The following ZNF619 variants were observed in gnomAD, a reference collection of about 807,000 sequenced individuals.
ZNF619 encodes the protein zinc finger protein 619.
Under a neutral mutation model 14.2 loss-of-function variants are expected in ZNF619, and 9 were observed. The ratio of observed to expected loss-of-function variants is 0.64; its 90% CI spans 0.38 to 1.11. The LOEUF is 1.11. Among genes scored for constraint, ZNF619 ranks in the 50% least tolerant of loss-of-function variants. ZNF619 has a pLI of 0.01. For synonymous variants in ZNF619, 246 were observed against 252.8 expected, an observed-to-expected ratio of 0.97 and a Z score of 0.26; for missense variants, 659 against 680.1, an observed-to-expected ratio of 0.97 and a Z score of 0.34.
intron 4 of ZNF619, among the ~76,000 whole-genome samples, chr3:40,486,231 C>A (rs1281866073): frequency 1.3e-5 from 2 of 152,214 alleles, no homozygotes; most frequent in Non-Finnish European, 1.5e-5. Flanking sequence ...CCCCTTCCTG[C>A]AACTTCACCC....
Position 40,487,979 on chromosome 3 carries a change from C to T in ZNF619, c.1469C>T (p.Ser490Phe). 6.2e-7 allele frequency: 1 copy of T among 1,614,214 alleles called. No homozygotes were observed. Among genetic ancestry groups the T allele is most frequent in the South Asian group, 1.1e-5 (1 of 91,084 alleles). Reference protein sequence around the residue: ...RKKLINGTGLSAVKPYCPCAI... With the variant: ...RKKLINGTGLFAVKPYCPCAI... Reference sequence around the variant, plus strand: ...AAACTCATCAATGGAACAGGGCTATCCGCAGTTAAGCCCTACTGTCCCTGC... The same window carrying T: ...AAACTCATCAATGGAACAGGGCTATTCGCAGTTAAGCCCTACTGTCCCTGC... Residue 490 changes from serine (S) to phenylalanine (F), a missense_variant, in exon 5 of 5, where the codon TCC (serine) becomes TTC (phenylalanine). Physicochemically the swap from Ser to Phe is radical, Grantham distance 155. Coordinates refer to ENST00000432264, the MANE Select transcript of ZNF619 (RefSeq NM_001145093.4).
chr3:40,487,209 A>T lies in ZNF619; in HGVS notation c.699A>T (p.Thr233=). The T allele has an allele frequency of 6.2e-7, 1 of 1,614,206 alleles. No individual in the cohort carries two copies. ...QRVHTNEKPY[T]CKECGKTFRY... is the part of the protein sequence containing the mutation. ...TTCACACTAATGAGAAGCCCTACACATGCAAAGAATGTGGGAAAACCTTCA... is the reference window on the plus strand; with the variant it reads ...TTCACACTAATGAGAAGCCCTACACTTGCAAAGAATGTGGGAAAACCTTCA... The change falls in exon 5 of 5, where the codon ACA becomes ACT. Residue 233 remains threonine (T), a synonymous_variant. Coordinates refer to ENST00000432264, the MANE Select transcript of ZNF619 (RefSeq NM_001145093.4).
intron 4 of ZNF619, among the ~76,000 whole-genome samples, chr3:40,485,538 G>A (rs1697551997): frequency 6.6e-6 from 1 of 152,038 alleles, no homozygotes; most frequent in South Asian, 2.1e-4. Context: ...CCTGAAATCA[G>A]GTGATCCACC....
Position 40,482,678 on chromosome 3 carries a change from G to A in ZNF619, c.269G>A (p.Gly90Glu). ...WGPDPWTLAGGEALRGMCTGG... is the reference protein window; with the variant it reads ...WGPDPWTLAGEEALRGMCTGG... ...CCAGATCCCTGGACACTTGCTGGGG[G>A]AGAGGCCCTGAGAGGCATGTGCACA... is the stretch of plus-strand genomic sequence containing the variant. The change falls in exon 4 of 5, where the codon GGA becomes GAA. Residue 90 changes from glycine to glutamate, a missense_variant. By Grantham distance (98) the Gly-to-Glu change is moderately conservative. Transcript: ENST00000432264. 3 of 1,613,862 alleles carry A rather than the reference G, an allele frequency of 1.9e-6. No homozygotes were observed. Among genetic ancestry groups the A allele is most frequent in the South Asian group, 1.1e-5 (1 of 91,058 alleles).
chr3:40,482,636 G>C lies in ZNF619; in HGVS notation c.227G>C (p.Gly76Ala), dbSNP rs1176256058. 1 of 1,614,206 alleles carries C rather than the reference G, an allele frequency of 6.2e-7. No homozygotes were observed. Among genetic ancestry groups the C allele is most frequent in the Non-Finnish European group, 8.5e-7 (1 of 1,180,042 alleles). ...KPDLIFQLEQ[G>A]EAAWGPDPWT... Reference sequence around the variant, plus strand: ...GATCTGATATTCCAGCTGGAGCAAGGAGAAGCAGCATGGGGCCCAGATCCC... The same window carrying C: ...GATCTGATATTCCAGCTGGAGCAAGCAGAAGCAGCATGGGGCCCAGATCCC... The change falls in exon 4 of 5, where the codon GGA becomes GCA. Residue 76 changes from glycine to alanine, a missense_variant. Physicochemically the swap from Gly to Ala is moderately conservative, Grantham distance 60. Transcript: ENST00000432264.
At chr3:40,479,555 A>G (rs539885982) in intron 2 of ZNF619, among the ~76,000 whole-genome samples, 3 of 152,354 alleles carry the variant, frequency 2.0e-5, no homozygotes, top group South Asian at 2.1e-4. Flanking sequence ...GATAATTACT[A>G]TTGTTATCCC....
chr3:40,487,992 C>T lies in ZNF619; in HGVS notation c.1482C>T (p.Pro494=), dbSNP rs1697679751. ...GAACAGGGCTATCCGCAGTTAAGCC[C>T]TACTGTCCCTGCGCCATCCTCTCTC... The part of the protein sequence containing the change: ...INGTGLSAVK[P]YCPCAILSPL... The change falls in exon 5 of 5, where the codon CCC becomes CCT. Residue 494 remains proline, a synonymous_variant. Transcript: ENST00000432264. The T allele has an allele frequency of 6.2e-7, 1 of 1,614,208 alleles. No individual in the cohort carries two copies. The highest frequency in any genetic ancestry group is 8.5e-7 in the Non-Finnish European group (1 of 1,180,030).
chr3:40,485,830 AC>A lies in ZNF619; in HGVS notation c.296-971del, dbSNP rs376682548. 1.7e-4 allele frequency among the ~76,000 whole-genome samples: 26 copies of A among 151,954 alleles called. 1 individual carries two copies. The highest frequency in any genetic ancestry group is 6.3e-4 in the African/African-American group (26 of 41,430). On this transcript the variant is annotated intron_variant, in intron 4 of 4. Coordinates refer to ENST00000432264, the MANE Select transcript of ZNF619 (RefSeq NM_001145093.4). ...CTACCAGTGAAAGCATGATCCCCAT[AC>A]CCCCGCTCCAATTGCCATCTCCATT...
In ZNF619 at chr3:40,482,187, T is replaced by G. The variant is rs1180279570; in HGVS notation, c.178+171T>G. ...GATGGAGAAAGAGCTCGGTTCACTT[T>G]GGTGTTTAACAGGACTTTTCTCTTC... On this transcript the variant is annotated intron_variant, in intron 3 of 4. Transcript: ENST00000432264. The G allele has an allele frequency of 1.9e-6, 3 of 1,548,840 alleles. No homozygotes were observed. The African/African-American group carries it at 4.1e-5, about 21-fold the overall frequency.
intron 2 of ZNF619, 149 bp downstream of exon 2, chr3:40,478,152 C>G: frequency 1.4e-6 from 1 of 700,566 alleles, no homozygotes; most frequent in Non-Finnish European, 2.4e-6. Context: ...AGTTGACGAA[C>G]GAGAGTAGGT....
At chr3:40,480,591 G>A (rs7642313) in intron 2 of ZNF619, among the ~76,000 whole-genome samples, 217 of 149,828 alleles carry the variant, frequency 1.4e-3, no homozygotes, top group African/African-American at 5.2e-3. Context: ...CTCTGCCTCC[G>A]GGGTTCACGC....
Position 40,488,209 on chromosome 3 carries a change from C to A in ZNF619, c.1699C>A (p.Gln567Lys). The A allele has an allele frequency of 6.3e-7, 1 of 1,599,482 alleles. No individual in the cohort carries two copies. Among genetic ancestry groups the A allele is most frequent in the Non-Finnish European group, 8.5e-7 (1 of 1,169,766 alleles). Reference protein sequence around the residue: ...DLAFPGKSSLQSPNPLSHSL With the variant: ...DLAFPGKSSLKSPNPLSHSL ...CGCTTTTCCTGGGAAGTCATCCCTTCAGAGCCCGAATCCTTTGTCTCACTC... is the reference window on the plus strand; with the variant it reads ...CGCTTTTCCTGGGAAGTCATCCCTTAAGAGCCCGAATCCTTTGTCTCACTC... The change falls in exon 5 of 5, where the codon CAG becomes AAG. Residue 567 changes from glutamine to lysine, a missense_variant. Transcript: ENST00000432264.
rs926916078 is a variant in ZNF619 at position 40,491,014 on chromosome 3, G to A, written c.*2773G>A. ...GGCCCCTCCACAGTTCCCAGCCCTCGGAACCATGAGCTAAATAAACTTCTT... is the reference window on the plus strand; with the variant it reads ...GGCCCCTCCACAGTTCCCAGCCCTCAGAACCATGAGCTAAATAAACTTCTT... On this transcript the variant is annotated 3_prime_UTR_variant, in exon 5 of 5. Coordinates refer to ENST00000432264, the MANE Select transcript of ZNF619 (RefSeq NM_001145093.4). Among the ~76,000 whole-genome samples, 10 of 152,138 alleles carry A rather than the reference G, an allele frequency of 6.6e-5. No individual in the cohort carries two copies. Among genetic ancestry groups the A allele is most frequent in the South Asian group, 2.1e-4 (1 of 4,816 alleles).
rs1417821890 is a variant in ZNF619 at position 40,487,582 on chromosome 3, G to T, written c.1072G>T (p.Val358Phe). Residue 358 changes from valine (V) to phenylalanine (F), a missense_variant, in exon 5 of 5, where the codon GTT becomes TTT. Physicochemically the swap from Val to Phe is conservative, Grantham distance 50. Transcript: ENST00000432264. ...TGGGAAGAGTTTGAGTTCTAATTCA[G>T]TTCTGATTCAGCATCAGAGAATCCA... ...ECGKSLSSNS[V>F]LIQHQRIHTG... 6.2e-7 allele frequency: 1 copy of T among 1,613,682 alleles called. No homozygotes were observed. Among genetic ancestry groups the T allele is most frequent in the South Asian group, 1.1e-5 (1 of 91,038 alleles).
Position 40,487,054 on chromosome 3 carries a change from T to C in ZNF619, c.544T>C (p.Leu182=), listed in dbSNP as rs765177330. The change falls in exon 5 of 5, where the codon TTG becomes CTG. Residue 182 remains leucine (L), a synonymous_variant. Coordinates refer to ENST00000432264, the MANE Select transcript of ZNF619 (RefSeq NM_001145093.4). ...TTEREEIARK[L]EESSVSTHLI... ...TGAAAGGGAGGAGATAGCCAGGAAA[T>C]TGGAAGAAAGTAGTGTCAGCACACA... is the stretch of plus-strand genomic sequence containing the variant. 1.3e-5 allele frequency: 21 copies of C among 1,613,956 alleles called. No individual in the cohort carries two copies. Among genetic ancestry groups the C allele is most frequent in the Non-Finnish European group, 1.6e-5 (19 of 1,180,036 alleles).
intron 2 of ZNF619, among the ~76,000 whole-genome samples, chr3:40,480,006 A>G (rs1412666369): frequency 2.0e-5 from 3 of 152,218 alleles, no homozygotes; most frequent in African/African-American, 7.2e-5. Context: ...GAGTAAGTGC[A>G]AGTAAAGGAC....
In ZNF619 at chr3:40,489,918, T is replaced by G. The variant is rs896985505; in HGVS notation, c.*1677T>G. 6.6e-6 allele frequency: 1 copy of G among 152,224 alleles called. No individual in the cohort carries two copies. Among genetic ancestry groups the G allele is most frequent in the African/African-American group, 2.4e-5 (1 of 41,458 alleles). The allele number at this position is 152,224 out of a possible 1,614,324, so 9.4% of individuals were successfully genotyped here. A position where few individuals can be genotyped will look rare whatever the true frequency, so the allele number is the denominator to read the frequency against. ...CAAGAAATGTTTTCAGTGTGCAGATTGCTATTGTTTGAATATCCCCAGCAA... is the reference window on the plus strand; with the variant it reads ...CAAGAAATGTTTTCAGTGTGCAGATGGCTATTGTTTGAATATCCCCAGCAA... On this transcript the variant is annotated 3_prime_UTR_variant, in exon 5 of 5. Coordinates refer to ENST00000432264, the MANE Select transcript of ZNF619 (RefSeq NM_001145093.4).
Position 40,487,101 on chromosome 3 carries a change from T to C in ZNF619, c.591T>C (p.Phe197=), listed in dbSNP as rs532300599. ...CACATCTCATTACAAAGCAGGGTTT[T>C]GCCAAAGAACAGGTGTTTTATAAAT... is the stretch of plus-strand genomic sequence containing the variant. ...VSTHLITKQG[F]AKEQVFYKCG... The change falls in exon 5 of 5, where the codon TTT becomes TTC. Residue 197 remains phenylalanine, a synonymous_variant. Transcript: ENST00000432264. The C allele has an allele frequency of 3.3e-5, 53 of 1,614,158 alleles. No individual in the cohort carries two copies. In the South Asian group the frequency reaches 5.2e-4, roughly 16 times the overall value.
At position 40,479,334 on chromosome 3, in the gene ZNF619, A is replaced by G. The variant is rs571418319; in HGVS notation, c.24+1331A>G. ...AACCTCAAGTAAAATTAGGATTCCA[A>G]TACTAAGAAAGAAAGGGGGTACACA... On this transcript the variant is annotated intron_variant, in intron 2 of 4. Coordinates refer to ENST00000432264, the MANE Select transcript of ZNF619 (RefSeq NM_001145093.4). 2.0e-5 allele frequency among the ~76,000 whole-genome samples: 3 copies of G among 152,298 alleles called. No individual in the cohort carries two copies. The Middle Eastern group carries it at 0.01, about 518-fold the overall frequency.
Sources: allele counts gnomAD v4.1 joint callset (sites outside exome capture counted in the v4.1 genomes callset), GRCh38; gene constraint gnomAD v4.1.1; transcripts MANE v1.5; gene names NCBI Gene and HGNC (gene_info 2026-07-23, HGNC 2026-07-21).